FCRL4: variants seen among roughly 807,000 people sequenced by gnomAD.
FCRL4 encodes Fc receptor-like protein 4.
Under a neutral mutation model 64.1 loss-of-function variants are expected in FCRL4, and 43 were observed. The ratio of observed to expected loss-of-function variants is 0.67; its 90% CI spans 0.53 to 0.87. The LOEUF (loss-of-function observed/expected upper bound fraction) is 0.87, where lower values mean the gene tolerates loss of function less well. FCRL4 is among the 40% of genes least tolerant of loss of function. FCRL4 has a pLI of 0.00. For missense variants in FCRL4, 656 were observed against 613.5 expected (o/e 1.07, Z -0.73); for synonymous variants, 253 against 239.8 (o/e 1.05, Z -0.51).
intron 5 of FCRL4, among the ~76,000 whole-genome samples, chr1:157,586,854 C>A (rs532744147): frequency 6.6e-6 from 1 of 152,308 alleles, no homozygotes; most frequent in East Asian, 1.9e-4. Context: ...CTATCTATCT[C>A]TCCTTCTTTT....
At chr1:157,597,074 G>T (rs1447842732) in intron 1 of FCRL4, among the ~76,000 whole-genome samples, 2 of 152,114 alleles carry the variant, frequency 1.3e-5, no homozygotes, top group Non-Finnish European at 2.9e-5. Context: ...TTCTCATATT[G>T]TCGAGTCAGA....
intron 10 of FCRL4, among the ~76,000 whole-genome samples, chr1:157,576,348 G>A (rs1399861722): frequency 6.6e-6 from 1 of 152,166 alleles, no homozygotes; most frequent in Admixed American, 6.5e-5. Flanking sequence ...GGCACTTGAG[G>A]TTTCTCTCTG....
chr1:157,575,331 T>C lies in FCRL4; in HGVS notation c.*193A>G. 1.7e-6 allele frequency: 1 copy of C among 594,754 alleles called. No homozygotes were observed. The highest frequency in any genetic ancestry group is 3.0e-6 in the Non-Finnish European group (1 of 333,522). The allele number at this position is 594,754 out of a possible 1,614,324, so 36.8% of individuals were successfully genotyped here. On this transcript the variant is annotated 3_prime_UTR_variant, in exon 12 of 12. Coordinates refer to ENST00000271532, the MANE Select transcript of FCRL4 (RefSeq NM_031282.3). ...GGATCCTGGTCATTTTAGTGAAGTC[T>C]TTCAGAGGCCATTCCATCCCAACAT... is the stretch of plus-strand genomic sequence containing the variant.
chr1:157,577,145 T>C (rs1652434857), intron 10 of FCRL4, among the ~76,000 whole-genome samples: 1 of 152,080 alleles, frequency 6.6e-6, no homozygotes, highest in Non-Finnish European at 1.5e-5. Context: ...GATGGATCAG[T>C]TTATGTCCAA....
In FCRL4 at chr1:157,575,731, C is replaced by G. The variant is rs374476793; in HGVS notation, c.1430-1G>C. On this transcript the variant is annotated splice_acceptor_variant, in intron 10 of 11. Transcript: ENST00000271532. LOFTEE classifies it high-confidence loss of function. ...TCTAGAAGTGTCCTGGAGGTATTAG[C>G]TGTGGACAGAAAGAGAATCACTGGA... The G allele has an allele frequency of 6.2e-7, 1 of 1,613,590 alleles. No homozygotes were observed. The highest frequency in any genetic ancestry group is 8.5e-7 in the Non-Finnish European group (1 of 1,179,734).
intron 4 of FCRL4, 102 bp from the exon 5 acceptor site, chr1:157,587,662 A>G: frequency 4.6e-6 from 6 of 1,310,458 alleles, no homozygotes; most frequent in Non-Finnish European, 6.3e-6. Flanking sequence ...GACACACAGC[A>G]AGACAAACTT....
intron 8 of FCRL4, 133 bp from the exon 9 acceptor site, chr1:157,578,985 G>C: frequency 2.9e-6 from 2 of 682,696 alleles, no homozygotes; most frequent in Non-Finnish European, 5.0e-6. Context: ...TGGAAAGCCT[G>C]AATGGTTTAA....
intron 10 of FCRL4, among the ~76,000 whole-genome samples, chr1:157,577,046 G>C (rs1267191992): frequency 6.6e-6 from 1 of 152,172 alleles, no homozygotes; most frequent in Non-Finnish European, 1.5e-5. Flanking sequence ...TTGTTTCCTT[G>C]ACTCTAAGAA....
chr1:157,587,807 T>C (rs1218256036), intron 4 of FCRL4, 58 bp downstream of exon 4: 5 of 1,498,042 alleles, frequency 3.3e-6, no homozygotes, highest in Middle Eastern at 4.7e-4. Flanking sequence ...TTTCCTTACA[T>C]GCTCAGTTTC....
intron 5 of FCRL4, 54 bp downstream of exon 5, chr1:157,587,222 A>G (rs1030922714): frequency 6.3e-7 from 1 of 1,584,272 alleles, no homozygotes; most frequent in African/African-American, 1.3e-5. Context: ...CCATGCCTAC[A>G]GAGCCCAAGG....
intron 6 of FCRL4, among the ~76,000 whole-genome samples, chr1:157,585,508 T>C (rs1187728500): frequency 6.6e-6 from 1 of 151,882 alleles, no homozygotes; most frequent in Non-Finnish European, 1.5e-5. Flanking sequence ...AGTGCCAAGG[T>C]AGCTGAGTGA....
chr1:157,588,935 A>AGACAGCT (rs1418450964), intron 3 of FCRL4, among the ~76,000 whole-genome samples: 1 of 152,254 alleles, frequency 6.6e-6, no homozygotes, highest in Non-Finnish European at 1.5e-5. Flanking sequence ...GCAGGATCTG[A>AGACAGCT]GACAGCTTCA....
chr1:157,577,110 T>C (rs1652434092), intron 10 of FCRL4, among the ~76,000 whole-genome samples: 1 of 152,146 alleles, frequency 6.6e-6, no homozygotes, highest in African/African-American at 2.4e-5. Context: ...AATAAGAAGA[T>C]TGGTTGAAGC....
In FCRL4 at chr1:157,588,055, G is replaced by A. The variant is rs961471118; in HGVS notation, c.372C>T (p.His124=). The A allele has an allele frequency of 3.7e-6, 6 of 1,613,588 alleles. No individual in the cohort carries two copies. The East Asian group carries it at 6.7e-5, about 18-fold the overall frequency. ...FEGDTLVLRC[H]RRRKEKLTAV... is the part of the protein sequence containing the mutation. The stretch of plus-strand genomic sequence containing the variant: ...CAGTCAATTTCTCTTTCCTTCTTCT[G>A]TGGCATCTCAGAACCAATGTGTCAC... Residue 124 remains histidine (H), a synonymous_variant, in exon 4 of 12, where the codon CAC becomes CAT. Coordinates refer to ENST00000271532, the MANE Select transcript of FCRL4 (RefSeq NM_031282.3).
intron 5 of FCRL4, 85 bp downstream of exon 5, chr1:157,587,191 C>A (rs1043601041): frequency 6.7e-7 from 1 of 1,484,850 alleles, no homozygotes; most frequent in East Asian, 2.3e-5. Flanking sequence ...GATGATAAAA[C>A]CCATCTCTGC....
At chr1:157,597,831 G>A (rs1374472191) in intron 1 of FCRL4, 83 bp downstream of exon 1, 1 of 1,086,484 alleles carries the variant, frequency 9.2e-7, no homozygotes, top group African/African-American at 1.6e-5. Flanking sequence ...AAAAATCCAT[G>A]ATTGCAGCAG....
chr1:157,580,371 A>AT (rs1424370503), intron 7 of FCRL4, 23 bp from the exon 8 acceptor site: 5 of 1,613,942 alleles, frequency 3.1e-6, no homozygotes, highest in Non-Finnish European at 4.2e-6. Context: ...GCAAAGACGC[A>AT]TTTTTGTCAG....
At chr1:157,587,618 G>T in intron 4 of FCRL4, 58 bp from the exon 5 acceptor site, 1 of 1,550,064 alleles carries the variant, frequency 6.5e-7, no homozygotes, top group Non-Finnish European at 8.8e-7. Flanking sequence ...CTCTGTGAGA[G>T]ACAGGTTTGG....
chr1:157,586,511 G>T, intron 5 of FCRL4, 56 bp from the exon 6 acceptor site: 1 of 1,514,160 alleles, frequency 6.6e-7, no homozygotes, highest in Non-Finnish European at 8.9e-7. Flanking sequence ...GCAGGGCTAG[G>T]TAGCTGGGGT....
Sources: allele counts gnomAD v4.1 joint callset (sites outside exome capture counted in the v4.1 genomes callset), GRCh38; gene constraint gnomAD v4.1.1; transcripts MANE v1.5; gene names NCBI Gene and HGNC (gene_info 2026-07-23, HGNC 2026-07-21).